Variants in VIT observed in about 807,000 individuals in gnomAD.
VIT encodes vitrin.
VIT carries 99 observed loss-of-function variants against 78.0 expected under a neutral mutation model. The ratio of observed to expected loss-of-function variants is 1.27; its 90% CI spans 1.08 to 1.50. The LOEUF is 1.50. VIT is among the 40% of genes most tolerant of loss of function. The pLI is 0.00. For missense variants in VIT, 1,126 were observed against 875.3 expected, an observed-to-expected ratio of 1.29 and a Z score of -3.61; for synonymous variants, 374 against 334.3, an observed-to-expected ratio of 1.12 and a Z score of -1.29.
At chr2:36,773,681 A>G (rs1405968194) in intron 7 of VIT, 110 bp from the exon 8 acceptor site, 9 of 934,234 alleles carry the variant, frequency 9.6e-6, no homozygotes, top group Non-Finnish European at 1.3e-5. Flanking sequence ...CTGAGATCGC[A>G]CCACTGCACT....
intron 1 of VIT, among the ~76,000 whole-genome samples, chr2:36,711,487 G>C (rs1399457615): frequency 6.6e-6 from 1 of 152,138 alleles, no homozygotes; most frequent in Non-Finnish European, 1.5e-5. Context: ...GCTTGACTTT[G>C]GGTATGTGAC....
rs1462733389 is a variant in VIT at position 36,805,579 on chromosome 2, C to A, written c.1304C>A (p.Ser435Ter). 6.2e-7 allele frequency: 1 copy of A among 1,614,132 alleles called. No individual in the cohort carries two copies. The highest frequency in any genetic ancestry group is 1.7e-5 in the Admixed American group (1 of 60,020). Residue 435 changes from serine (S) to a stop codon, truncating the protein, a stop_gained, in exon 14 of 16, where the codon TCA becomes TAA. Transcript: ENST00000379242. LOFTEE classifies it high-confidence loss of function. The part of the protein sequence containing the change: ...VEEASRLARE[S>*]GINIFFITIE... Reference sequence around the variant, plus strand: ...GAGGCTTCAAGACTTGCGAGAGAGTCAGGAATCAACATTTTCTTCATCACC... The same window carrying A: ...GAGGCTTCAAGACTTGCGAGAGAGTAAGGAATCAACATTTTCTTCATCACC...
At chr2:36,722,946 A>T (rs1666604110) in intron 2 of VIT, among the ~76,000 whole-genome samples, 1 of 151,370 alleles carries the variant, frequency 6.6e-6, no homozygotes, top group Non-Finnish European at 1.5e-5. Context: ...ATATCAATTT[A>T]TCATTTATAT....
chr2:36,776,657 C>T (rs551388932), intron 9 of VIT, among the ~76,000 whole-genome samples: 14 of 151,700 alleles, frequency 9.2e-5, no homozygotes, highest in African/African-American at 1.5e-4. Flanking sequence ...AACAATGAGC[C>T]GGTGGTGCGT....
At chr2:36,789,448 G>A (rs1256027692) in intron 12 of VIT, among the ~76,000 whole-genome samples, 2 of 152,182 alleles carry the variant, frequency 1.3e-5, no homozygotes, top group African/African-American at 2.4e-5. Flanking sequence ...CAAGGAGGTG[G>A]GGTGATCAAT....
intron 7 of VIT, among the ~76,000 whole-genome samples, chr2:36,770,121 G>A (rs1277156749): frequency 1.3e-5 from 2 of 152,176 alleles, no homozygotes; most frequent in South Asian, 4.1e-4. Context: ...GGGTGTTCAA[G>A]CAAAACCTAA....
At chr2:36,708,110 T>TCCCCCCCCCCCCCCC (rs141908586) in intron 1 of VIT, among the ~76,000 whole-genome samples, 16 of 137,776 alleles carry the variant, frequency 1.2e-4, no homozygotes, top group South Asian at 2.5e-4. Flanking sequence ...GTAAAGGACC[T>TCCCCCCCCCCCCCCC]CCCCCCCCCG....
At chr2:36,782,562 C>G (rs1227752133) in intron 10 of VIT, among the ~76,000 whole-genome samples, 5 of 152,232 alleles carry the variant, frequency 3.3e-5, no homozygotes, top group African/African-American at 1.2e-4. Context: ...CGGGGAGACT[C>G]ACTTCCAGTG....
intron 12 of VIT, among the ~76,000 whole-genome samples, chr2:36,790,516 C>A (rs1394075505): frequency 6.6e-6 from 1 of 152,194 alleles, no homozygotes; most frequent in Non-Finnish European, 1.5e-5. Context: ...AACTCACAAT[C>A]ACGTTAACCT....
chr2:36,712,007 C>T (rs545565233), intron 1 of VIT, among the ~76,000 whole-genome samples: 8 of 152,134 alleles, frequency 5.3e-5, no homozygotes, highest in Non-Finnish European at 7.3e-5. Context: ...TGTTAGAACC[C>T]GGGTGAGCCC....
intron 12 of VIT, among the ~76,000 whole-genome samples, chr2:36,796,106 T>G (rs1665879748): frequency 1.2e-5 from 1 of 81,202 alleles, no homozygotes; most frequent in African/African-American, 4.7e-5. Context: ...AGATCATGAC[T>G]GATTAAAAAA....
chr2:36,789,461 C>T (rs1008287400), intron 12 of VIT, among the ~76,000 whole-genome samples: 5 of 152,104 alleles, frequency 3.3e-5, no homozygotes, highest in East Asian at 1.9e-4. Flanking sequence ...TGATCAATGA[C>T]GAATTGATGT....
At chr2:36,734,182 C>A (rs1322240711) in intron 3 of VIT, among the ~76,000 whole-genome samples, 1 of 152,094 alleles carries the variant, frequency 6.6e-6, no homozygotes. Context: ...AATGTGATAA[C>A]CGGTGGACTA....
intron 2 of VIT, among the ~76,000 whole-genome samples, chr2:36,727,988 G>C (rs1045328706): frequency 2.0e-5 from 3 of 152,188 alleles, no homozygotes; most frequent in African/African-American, 7.2e-5. Flanking sequence ...GGGTGCAGTG[G>C]TGTGATCTCG....
chr2:36,700,559 T>C (rs1449933643), intron 1 of VIT, among the ~76,000 whole-genome samples: 1 of 152,022 alleles, frequency 6.6e-6, no homozygotes, highest in Non-Finnish European at 1.5e-5. Flanking sequence ...CCAGGCAACA[T>C]AGTGAGACCT....
intron 5 of VIT, among the ~76,000 whole-genome samples, chr2:36,758,006 C>T (rs1217712834): frequency 6.6e-6 from 1 of 152,170 alleles, no homozygotes; most frequent in African/African-American, 2.4e-5. Context: ...CCTAGATCCT[C>T]CTCCACCCAC....
chr2:36,814,223 A>T lies in VIT; in HGVS notation c.1944A>T (p.Gln648His). Reference sequence around the variant, plus strand: ...CGATAGGCGTTGCCTGGGCTGCCCAAGAGGAGCTAGAAGTCATTGCCACTC... The same window carrying T: ...CGATAGGCGTTGCCTGGGCTGCCCATGAGGAGCTAGAAGTCATTGCCACTC... ...TYAIGVAWAA[Q>H]EELEVIATHP... Residue 648 changes from glutamine to histidine, a missense_variant, in exon 16 of 16, where the codon CAA becomes CAT. Coordinates refer to ENST00000379242, the MANE Select transcript of VIT (RefSeq NM_053276.4). 1 of 1,614,250 alleles carries T rather than the reference A, an allele frequency of 6.2e-7. No homozygotes were observed.
At chr2:36,727,988 G>A (rs1045328706) in intron 2 of VIT, among the ~76,000 whole-genome samples, 3 of 152,188 alleles carry the variant, frequency 2.0e-5, no homozygotes, top group Non-Finnish European at 4.4e-5. Flanking sequence ...GGGTGCAGTG[G>A]TGTGATCTCG....
At chr2:36,706,427 A>C (rs917340928) in intron 1 of VIT, among the ~76,000 whole-genome samples, 3 of 152,222 alleles carry the variant, frequency 2.0e-5, no homozygotes, top group African/African-American at 7.2e-5. Flanking sequence ...CACAGGAGAC[A>C]GAGTCCAGCT....
Sources: allele counts gnomAD v4.1 joint callset (sites outside exome capture counted in the v4.1 genomes callset), GRCh38; gene constraint gnomAD v4.1.1; transcripts MANE v1.5; gene names NCBI Gene and HGNC (gene_info 2026-07-23, HGNC 2026-07-21).